Variants in BAZ1B observed in about 807,000 individuals in gnomAD.
BAZ1B encodes bromodomain adjacent to zinc finger domain 1B.
BAZ1B carries 22 observed loss-of-function variants against 153.8 expected under a neutral mutation model. The ratio of observed to expected loss-of-function variants is 0.14; its 90% CI spans 0.10 to 0.20. BAZ1B has a LOEUF of 0.20. Among genes scored for constraint, BAZ1B ranks in the 10% least tolerant of loss-of-function variants. The pLI, the probability that BAZ1B is intolerant of heterozygous loss-of-function variation, is 1.00. For synonymous variants in BAZ1B, 676 were observed against 633.4 expected (o/e 1.07, Z -1.01); for missense variants, 1,325 against 1,799.3 (o/e 0.74, Z 4.77).
intron 13 of BAZ1B, among the ~76,000 whole-genome samples, chr7:73,452,718 T>A (rs1186483142): frequency 1.4e-5 from 2 of 140,850 alleles, no homozygotes; most frequent in African/African-American, 2.7e-5. Flanking sequence ...CAAGACTTCA[T>A]CTCGAGAAAA....
intron 7 of BAZ1B, among the ~76,000 whole-genome samples, chr7:73,472,267 C>CT (rs1235647969): frequency 4.3e-5 from 6 of 139,336 alleles, no homozygotes; most frequent in Non-Finnish European, 7.9e-5. Flanking sequence ...TTTTTTTTTT[C>CT]TTTTTTTTGA....
intron 6 of BAZ1B, among the ~76,000 whole-genome samples, chr7:73,485,641 AAG>A (rs539444922): frequency 3.3e-5 from 5 of 151,528 alleles, no homozygotes; most frequent in South Asian, 4.2e-4. Flanking sequence ...AAAAAAAAAA[AAG>A]AGAGAGAGAA....
At chr7:73,473,280 C>T (rs760572582) in intron 7 of BAZ1B, among the ~76,000 whole-genome samples, 2 of 152,282 alleles carry the variant, frequency 1.3e-5, no homozygotes, top group South Asian at 2.1e-4. Context: ...TGGCCAGGGG[C>T]GGTGGCTCAT....
At chr7:73,516,510 C>T (rs531049983) in intron 1 of BAZ1B, among the ~76,000 whole-genome samples, 9 of 151,726 alleles carry the variant, frequency 5.9e-5, no homozygotes, top group African/African-American at 2.2e-4. Flanking sequence ...TGGGGCCAGG[C>T]GCGGTGGCTC....
chr7:73,465,845 A>G (rs1343387321), intron 10 of BAZ1B, among the ~76,000 whole-genome samples: 1 of 152,210 alleles, frequency 6.6e-6, no homozygotes, highest in African/African-American at 2.4e-5. Context: ...TCAAAAATGA[A>G]AGGTCATTAA....
chr7:73,499,094 C>T (rs1790027178), intron 3 of BAZ1B, among the ~76,000 whole-genome samples: 3 of 151,948 alleles, frequency 2.0e-5, no homozygotes, highest in Non-Finnish European at 2.9e-5. Flanking sequence ...GGTATGATCT[C>T]GGCTCACTGC....
intron 17 of BAZ1B, 28 bp downstream of exon 17, chr7:73,443,956 T>C: frequency 1.2e-6 from 2 of 1,612,876 alleles, no homozygotes; most frequent in Non-Finnish European, 1.7e-6. Context: ...ACAGAAAGGT[T>C]AGAGAAGGGA....
intron 6 of BAZ1B, among the ~76,000 whole-genome samples, chr7:73,483,415 G>GC (rs1248554863): frequency 6.6e-6 from 1 of 152,030 alleles, no homozygotes; most frequent in Non-Finnish European, 1.5e-5. Flanking sequence ...TTCACCCAGG[G>GC]CAACATGTTA....
chr7:73,508,529 TTCAAG>T, intron 2 of BAZ1B, 58 bp from the exon 3 acceptor site: 2 of 1,482,454 alleles, frequency 1.3e-6, no homozygotes, highest in Non-Finnish European at 1.8e-6. Flanking sequence ...AGAGATTTAA[TTCAAG>T]TCAATTCAAA....
Position 73,522,000 on chromosome 7 carries a change from G to T in BAZ1B, c.-67C>A. On this transcript the variant is annotated 5_prime_UTR_variant, in exon 1 of 20. Coordinates refer to ENST00000339594, the MANE Select transcript of BAZ1B (RefSeq NM_032408.4). ...CCCGCGGCGCAGCACTAGGCCCCGC[G>T]GCCCGGAGCGAGCGCCAGGCGCCCG... 6 of 1,168,278 alleles carry T rather than the reference G, an allele frequency of 5.1e-6. No homozygotes were observed. The highest frequency in any genetic ancestry group is 6.5e-6 in the Non-Finnish European group (6 of 930,032). The allele number at this position is 1,168,278 out of a possible 1,614,324, so 72.4% of individuals were successfully genotyped here.
intron 2 of BAZ1B, among the ~76,000 whole-genome samples, chr7:73,508,967 C>T (rs1173218192): frequency 6.7e-6 from 1 of 149,998 alleles, no homozygotes; most frequent in Non-Finnish European, 1.5e-5. Context: ...GAGCCGAGAT[C>T]GCACCACTGC....
intron 13 of BAZ1B, 133 bp downstream of exon 13, chr7:73,459,403 A>G: frequency 4.9e-6 from 4 of 823,764 alleles, no homozygotes; most frequent in Non-Finnish European, 7.3e-6. Flanking sequence ...AAAAAAAAAA[A>G]CACACACACA....
At chr7:73,460,020 C>T (rs1040223073) in intron 12 of BAZ1B, among the ~76,000 whole-genome samples, 3 of 151,988 alleles carry the variant, frequency 2.0e-5, no homozygotes, top group Non-Finnish European at 4.4e-5. Context: ...CATGGCAAAA[C>T]CCCATCTCTA....
intron 13 of BAZ1B, among the ~76,000 whole-genome samples, chr7:73,454,520 T>C (rs80342458): frequency 6.6e-6 from 1 of 152,302 alleles, no homozygotes; most frequent in East Asian, 1.9e-4. Flanking sequence ...AGGGGGAACA[T>C]GACAACTATG....
intron 15 of BAZ1B, among the ~76,000 whole-genome samples, 171 bp downstream of exon 15, chr7:73,449,371 T>C (rs1447647015): frequency 6.6e-6 from 1 of 152,188 alleles, no homozygotes; most frequent in Non-Finnish European, 1.5e-5. Context: ...TCAGCTAAAA[T>C]TAGCTCAGAG....
chr7:73,510,969 G>C, intron 1 of BAZ1B, 117 bp from the exon 2 acceptor site: 1 of 854,358 alleles, frequency 1.2e-6, no homozygotes, highest in Non-Finnish European at 1.8e-6. Flanking sequence ...TGTAGCATGA[G>C]AGGATAAAAA....
intron 4 of BAZ1B, among the ~76,000 whole-genome samples, chr7:73,495,421 A>G (rs1323653588): frequency 2.6e-5 from 4 of 152,254 alleles, no homozygotes. Flanking sequence ...TGAATAGCAT[A>G]TAACATTACA....
intron 3 of BAZ1B, among the ~76,000 whole-genome samples, chr7:73,504,104 C>T (rs1790238722): frequency 6.6e-6 from 1 of 152,170 alleles, no homozygotes; most frequent in African/African-American, 2.4e-5. Context: ...TTAAGTTTTC[C>T]TTAACCCTGA....
chr7:73,516,733 C>T (rs780688979), intron 1 of BAZ1B, among the ~76,000 whole-genome samples: 2 of 126,994 alleles, frequency 1.6e-5, no homozygotes, highest in Non-Finnish European at 3.1e-5. Context: ...CAAGATTGCA[C>T]CATTGCACTC....
Sources: allele counts gnomAD v4.1 joint callset (sites outside exome capture counted in the v4.1 genomes callset), GRCh38; gene constraint gnomAD v4.1.1; transcripts MANE v1.5; gene names NCBI Gene and HGNC (gene_info 2026-07-23, HGNC 2026-07-21).